The following GPD2 variants were observed in gnomAD, a reference collection of about 807,000 sequenced individuals.
GPD2 encodes glycerol-3-phosphate dehydrogenase, mitochondrial.
In GPD2, 54 loss-of-function variants were observed where a neutral mutation model predicts 82.4. That is an observed-to-expected ratio of 0.66 (90% CI 0.53 to 0.82). The LOEUF (loss-of-function observed/expected upper bound fraction) is 0.82, where lower values mean the gene tolerates loss of function less well. Ranked by LOEUF, GPD2 falls within the 40% of genes least tolerant of loss-of-function variation. The pLI is 0.00. For missense variants in GPD2, 748 were observed against 896.2 expected, an observed-to-expected ratio of 0.83 and a Z score of 2.11; for synonymous variants, 288 against 306.1, an observed-to-expected ratio of 0.94 and a Z score of 0.62.
chr2:156,469,396 C>T (rs560959409), intron 1 of GPD2, among the ~76,000 whole-genome samples: 2 of 152,326 alleles, frequency 1.3e-5, no homozygotes, highest in South Asian at 2.1e-4. Flanking sequence ...AACTTCGGAA[C>T]TCAAGTGATC....
At chr2:156,565,420 A>C (rs1364992813) in intron 9 of GPD2, among the ~76,000 whole-genome samples, 1 of 152,148 alleles carries the variant, frequency 6.6e-6, no homozygotes, top group East Asian at 1.9e-4. Flanking sequence ...TGTGTAAAGC[A>C]GGAATTAATC....
chr2:156,500,649 A>G (rs934750369), intron 3 of GPD2, among the ~76,000 whole-genome samples: 2 of 152,202 alleles, frequency 1.3e-5, no homozygotes, highest in African/African-American at 4.8e-5. Flanking sequence ...ACTAGATGTT[A>G]AAGGACTTGT....
chr2:156,578,946 T>G lies in GPD2; in HGVS notation c.1825T>G (p.Ser609Ala). Residue 609 changes from serine (S) to alanine (A), a missense_variant, in exon 14 of 17, where the codon TCA becomes GCA. This residue lies in a region of GPD2 where 692 missense variants were observed against 809.7 expected (regional missense o/e 0.85). Coordinates refer to ENST00000438166, the MANE Select transcript of GPD2 (RefSeq NM_000408.5). Reference sequence around the variant, plus strand: ...TTATGAAATGGGCTATAAATCTCGATCAGAACAGTTAACAGATCGCTCTGA... The same window carrying G: ...TTATGAAATGGGCTATAAATCTCGAGCAGAACAGTTAACAGATCGCTCTGA... ...LYYEMGYKSR[S>A]EQLTDRSEIS... 1 of 1,612,586 alleles carries G rather than the reference T, an allele frequency of 6.2e-7. No homozygotes were observed. The highest frequency in any genetic ancestry group is 8.5e-7 in the Non-Finnish European group (1 of 1,178,810).
At chr2:156,568,775 C>G (rs761797571) in intron 9 of GPD2, 50 bp from the exon 10 acceptor site, 2 of 1,521,102 alleles carry the variant, frequency 1.3e-6, no homozygotes, top group Non-Finnish European at 1.8e-6. Context: ...ATATTTTTAT[C>G]AAAATATTTT....
chr2:156,437,523 G>A (rs1312191709), intron 1 of GPD2, among the ~76,000 whole-genome samples: 1 of 152,122 alleles, frequency 6.6e-6, no homozygotes, highest in Non-Finnish European at 1.5e-5. Context: ...TGTGGATGTT[G>A]AAACCCCCCT....
intron 8 of GPD2, among the ~76,000 whole-genome samples, chr2:156,555,374 T>C (rs1326425699): frequency 6.6e-6 from 1 of 152,220 alleles, no homozygotes; most frequent in Non-Finnish European, 1.5e-5. Context: ...TCTAATGGTA[T>C]TTCCTTTTTA....
At chr2:156,448,091 A>G (rs551733830) in intron 1 of GPD2, among the ~76,000 whole-genome samples, 10 of 150,140 alleles carry the variant, frequency 6.7e-5, no homozygotes, top group South Asian at 2.1e-4. Context: ...AGGTCTATCA[A>G]TCACCTAATA....
chr2:156,535,608 T>A (rs781680494), intron 6 of GPD2, among the ~76,000 whole-genome samples: 12 of 152,184 alleles, frequency 7.9e-5, no homozygotes, highest in Non-Finnish European at 1.8e-4. Flanking sequence ...CTTTGTGGCT[T>A]ACCTCTTTAT....
At chr2:156,421,380 A>G in the GPD2 span, among the ~76,000 whole-genome samples, 1 of 152,320 alleles carries the variant, frequency 6.6e-6, no homozygotes, top group East Asian at 1.9e-4. Flanking sequence ...ACAACTTTGC[A>G]TAAGTAGCCT....
chr2:156,551,135 C>T (rs1486730150), intron 8 of GPD2, among the ~76,000 whole-genome samples: 1 of 151,966 alleles, frequency 6.6e-6, no homozygotes, highest in East Asian at 1.9e-4. Context: ...CCCAAATTTG[C>T]TTATGAAGAA....
chr2:156,436,292 C>CGCGGGA (rs1212992786), upstream of GPD2: 1 of 152,822 alleles, frequency 6.5e-6, no homozygotes, highest in Non-Finnish European at 1.5e-5. Context: ...AGGGAGCAGG[C>CGCGGGA]GCGGGAGCGG....
intron 8 of GPD2, among the ~76,000 whole-genome samples, chr2:156,553,878 A>G (rs886202501): frequency 6.6e-6 from 1 of 152,238 alleles, no homozygotes; most frequent in Non-Finnish European, 1.5e-5. Flanking sequence ...CTCCTGAAGC[A>G]TGAAGGTGTT....
At chr2:156,479,343 G>C (rs1162306564) in intron 2 of GPD2, among the ~76,000 whole-genome samples, 1 of 152,176 alleles carries the variant, frequency 6.6e-6, no homozygotes, top group Non-Finnish European at 1.5e-5. Context: ...CATGGAGACT[G>C]GTGTTTCTGG....
chr2:156,451,514 G>A, intron 1 of GPD2, among the ~76,000 whole-genome samples: 1 of 111,610 alleles, frequency 9.0e-6, no homozygotes, highest in Non-Finnish European at 1.9e-5. Flanking sequence ...GGCCGAGCGG[G>A]GGGGCTGACC....
At chr2:156,554,905 A>C (rs1422344123) in intron 8 of GPD2, among the ~76,000 whole-genome samples, 1 of 152,222 alleles carries the variant, frequency 6.6e-6, no homozygotes, top group Non-Finnish European at 1.5e-5. Flanking sequence ...GGTCTGCATG[A>C]GAAAAATATT....
intron 9 of GPD2, among the ~76,000 whole-genome samples, chr2:156,559,936 T>C (rs1687107588): frequency 6.6e-6 from 1 of 152,232 alleles, no homozygotes; most frequent in African/African-American, 2.4e-5. Context: ...ATATTCATTA[T>C]TGTTAATGAA....
intron 1 of GPD2, among the ~76,000 whole-genome samples, chr2:156,449,216 T>C (rs567541489): frequency 6.6e-6 from 1 of 152,156 alleles, no homozygotes; most frequent in Admixed American, 6.5e-5. Flanking sequence ...GGATATGTTG[T>C]GGGCGTCATT....
chr2:156,430,223 C>A, the GPD2 span, among the ~76,000 whole-genome samples: 4 of 152,008 alleles, frequency 2.6e-5, no homozygotes, highest in Non-Finnish European at 5.9e-5. Flanking sequence ...ATATACCAGG[C>A]ATTTTACAAA....
At chr2:156,420,757 T>A in the GPD2 span, among the ~76,000 whole-genome samples, 1 of 152,224 alleles carries the variant, frequency 6.6e-6, no homozygotes, top group South Asian at 2.1e-4. Context: ...CCTAGAGAAC[T>A]TCTAAGACAT....
Sources: gnomAD v4.1 joint callset for allele counts (sites outside exome capture counted in the v4.1 genomes callset) on GRCh38, gnomAD v4.1.1 for gene constraint, gnomAD v4.1.1 regional missense constraint, MANE v1.5 for transcripts, NCBI Gene and HGNC (gene_info 2026-07-23, HGNC 2026-07-21) for gene names.